Variants in LTBP1 observed in about 807,000 individuals in gnomAD.
The protein encoded by LTBP1 is latent transforming growth factor beta binding protein 1, also known as latent-transforming growth factor beta-binding protein 1.
A neutral mutation model predicts 207.6 loss-of-function variants in LTBP1; 129 were observed. That is an observed-to-expected ratio of 0.62 (90% CI 0.54 to 0.72). The LOEUF is 0.72. LTBP1 is among the 30% of genes least tolerant of loss of function. The pLI is 0.00. For synonymous variants in LTBP1, 963 were observed against 833.7 expected, an observed-to-expected ratio of 1.16 and a Z score of -2.67; for missense variants, 2,281 against 2,217.2, an observed-to-expected ratio of 1.03 and a Z score of -0.58.
At chr2:33,331,920 C>A (rs563654339) in intron 24 of LTBP1, among the ~76,000 whole-genome samples, 4 of 151,914 alleles carry the variant, frequency 2.6e-5, no homozygotes, top group Admixed American at 2.0e-4. Context: ...ATTGCAGTGA[C>A]CTCCTAACTT....
intron 9 of LTBP1, among the ~76,000 whole-genome samples, chr2:33,241,284 CACGAT>C (rs2092313735): frequency 6.6e-6 from 1 of 152,210 alleles, no homozygotes; most frequent in Non-Finnish European, 1.5e-5. Context: ...AAGAGTCTTA[CACGAT>C]TCTTCGTCTT....
chr2:33,214,554 G>A (rs911207378), intron 7 of LTBP1, among the ~76,000 whole-genome samples: 2 of 152,106 alleles, frequency 1.3e-5, no homozygotes, highest in East Asian at 1.9e-4. Flanking sequence ...GTCTGAGACT[G>A]TTCATCTGTG....
intron 5 of LTBP1, among the ~76,000 whole-genome samples, chr2:33,138,318 A>G (rs1044095944): frequency 6.6e-6 from 1 of 152,248 alleles, no homozygotes; most frequent in Non-Finnish European, 1.5e-5. Context: ...CCAAATGAAT[A>G]TGGTATCCAA....
intron 31 of LTBP1, among the ~76,000 whole-genome samples, chr2:33,373,994 C>T (rs1178631703): frequency 2.0e-5 from 3 of 152,126 alleles, no homozygotes; most frequent in Admixed American, 1.3e-4. Context: ...TCAAACAATT[C>T]GGCTAGTGAT....
chr2:33,077,123 A>G (rs1394292237), intron 3 of LTBP1, among the ~76,000 whole-genome samples: 1 of 152,180 alleles, frequency 6.6e-6, no homozygotes, highest in Non-Finnish European at 1.5e-5. Flanking sequence ...TAAGAGGGCC[A>G]CACGGCTATG....
At chr2:33,274,867 G>A (rs2093394783) in intron 16 of LTBP1, 98 bp from the exon 17 acceptor site, 2 of 1,176,074 alleles carry the variant, frequency 1.7e-6, no homozygotes, top group South Asian at 1.3e-5. Flanking sequence ...TAAAGGTTGG[G>A]TGGTACCCAG....
At chr2:33,090,426 A>G (rs1340716485) in intron 3 of LTBP1, among the ~76,000 whole-genome samples, 2 of 151,904 alleles carry the variant, frequency 1.3e-5, no homozygotes, top group Non-Finnish European at 2.9e-5. Flanking sequence ...ATTGCTCTTA[A>G]CTCTTGAGTG....
chr2:33,178,383 A>G (rs1188900213), intron 5 of LTBP1, among the ~76,000 whole-genome samples: 7 of 152,256 alleles, frequency 4.6e-5, no homozygotes, highest in African/African-American at 1.7e-4. Flanking sequence ...GAGGTTGATG[A>G]TAAATGAACA....
intron 9 of LTBP1, among the ~76,000 whole-genome samples, chr2:33,230,059 A>C (rs1202381039): frequency 6.6e-6 from 1 of 152,214 alleles, no homozygotes; most frequent in Non-Finnish European, 1.5e-5. Flanking sequence ...TGCTCACATT[A>C]CATATGTACA....
rs1408472704 is a variant in LTBP1 at position 33,171,552 on chromosome 2, G to T, written c.1202-15304G>T. Among the ~76,000 whole-genome samples, 12 of 150,966 alleles carry T rather than the reference G, an allele frequency of 7.9e-5. No individual in the cohort carries two copies. In the South Asian group the frequency reaches 1.0e-3, roughly 13 times the overall value. On this transcript the variant is annotated intron_variant, in intron 5 of 33. Coordinates refer to ENST00000404816, the MANE Select transcript of LTBP1 (RefSeq NM_206943.4). ...CTGATTGGTGTACCTGAAAGTGACG[G>T]GGAGAATGGAACCAAGTTGGAAAAC...
At chr2:33,270,328 G>A (rs1335216306) in intron 15 of LTBP1, among the ~76,000 whole-genome samples, 1 of 151,966 alleles carries the variant, frequency 6.6e-6, no homozygotes, top group Non-Finnish European at 1.5e-5. Context: ...CTTGGCTCAC[G>A]CCTGTAATCC....
chr2:33,164,352 G>GA (rs56916166), intron 5 of LTBP1, among the ~76,000 whole-genome samples: 1,418 of 28,130 alleles, frequency 0.05, 121 homozygotes, highest in Non-Finnish European at 0.073. Flanking sequence ...TTCCTCTCAG[G>GA]AAAAAAAAAA....
At chr2:33,368,158 G>A (rs2095019230) in intron 31 of LTBP1, among the ~76,000 whole-genome samples, 1 of 151,918 alleles carries the variant, frequency 6.6e-6, no homozygotes, top group Non-Finnish European at 1.5e-5. Context: ...AGTGAGCCGA[G>A]ATCGCGCCAC....
At chr2:33,398,124 G>A (rs1401662761) in intron 33 of LTBP1, among the ~76,000 whole-genome samples, 1 of 152,178 alleles carries the variant, frequency 6.6e-6, no homozygotes, top group Non-Finnish European at 1.5e-5. Flanking sequence ...ACTAGAAAAT[G>A]TCAAGCTCAC....
chr2:33,211,420 A>T (rs1203663473), intron 7 of LTBP1, among the ~76,000 whole-genome samples: 1 of 152,314 alleles, frequency 6.6e-6, no homozygotes, highest in South Asian at 2.1e-4. Context: ...TAATCCCCAC[A>T]CAGGGGTTGA....
At chr2:33,307,668 G>C (rs1558985336) in intron 22 of LTBP1, among the ~76,000 whole-genome samples, 1 of 152,170 alleles carries the variant, frequency 6.6e-6, no homozygotes, top group African/African-American at 2.4e-5. Flanking sequence ...TTTATTTTAT[G>C]TACATTATAC....
chr2:33,253,766 G>A (rs1047636348), intron 11 of LTBP1, among the ~76,000 whole-genome samples: 2 of 151,844 alleles, frequency 1.3e-5, no homozygotes, highest in Non-Finnish European at 2.9e-5. Flanking sequence ...AGAAAGAACT[G>A]TGTTAAGGCA....
intron 26 of LTBP1, among the ~76,000 whole-genome samples, chr2:33,350,986 ATATATATATTATAAT>A (rs1228132619): frequency 5.9e-5 from 9 of 152,280 alleles, no homozygotes; most frequent in African/African-American, 2.2e-4. Context: ...AATGAAAAAT[ATATATATATTATAAT>A]CCATACAGGT....
intron 18 of LTBP1, among the ~76,000 whole-genome samples, chr2:33,277,472 A>G (rs2093450069): frequency 1.3e-5 from 2 of 152,180 alleles, no homozygotes; most frequent in South Asian, 4.1e-4. Flanking sequence ...AACGTAGTAC[A>G]TCATCTGTAA....
Sources: gnomAD v4.1 joint callset for allele counts (sites outside exome capture counted in the v4.1 genomes callset) on GRCh38, gnomAD v4.1.1 for gene constraint, MANE v1.5 for transcripts, NCBI Gene and HGNC (gene_info 2026-07-23, HGNC 2026-07-21) for gene names.